The following RAB2A variants were observed in gnomAD, a reference collection of about 807,000 sequenced individuals.
The protein encoded by RAB2A is RAB2A, member RAS oncogene family.
Under a neutral mutation model 32.5 loss-of-function variants are expected in RAB2A, and 7 were observed. The ratio of observed to expected loss-of-function variants is 0.22; its 90% CI spans 0.12 to 0.40. The LOEUF is 0.40. Among genes scored for constraint, RAB2A ranks in the 10% least tolerant of loss-of-function variants. The pLI is 1.00. For synonymous variants in RAB2A, 79 were observed against 85.2 expected (o/e 0.93, Z 0.40); for missense variants, 108 against 260.7 (o/e 0.41, Z 4.03).
Position 60,622,177 on chromosome 8 carries a change from G to A in RAB2A, c.*1408G>A, listed in dbSNP as rs1265565226. On this transcript the variant is annotated 3_prime_UTR_variant, in exon 8 of 8. Transcript: ENST00000262646. ...CCATACTGAAATTATTTTTGTTGATGGTGTAAGCAGTGTAAGCAAGTGTTT... is the reference window on the plus strand; with the variant it reads ...CCATACTGAAATTATTTTTGTTGATAGTGTAAGCAGTGTAAGCAAGTGTTT... 1 of 152,126 alleles carries A rather than the reference G, an allele frequency of 6.6e-6. No individual in the cohort carries two copies. The highest frequency in any genetic ancestry group is 1.5e-5 in the Non-Finnish European group (1 of 68,024). The allele number at this position is 152,126 out of a possible 1,614,324, so 9.4% of individuals were successfully genotyped here.
intron 2 of RAB2A, among the ~76,000 whole-genome samples, chr8:60,566,364 G>T (rs563656029): frequency 6.6e-6 from 1 of 151,960 alleles, no homozygotes; most frequent in African/African-American, 2.4e-5. Context: ...AGCATTTTTC[G>T]TATGTTTAAG....
chr8:60,536,632 C>T (rs1269039638), intron 1 of RAB2A, among the ~76,000 whole-genome samples: 1 of 152,188 alleles, frequency 6.6e-6, no homozygotes, highest in Non-Finnish European at 1.5e-5. Context: ...ATAAACTCAG[C>T]ATAGTGCAAA....
At chr8:60,598,956 A>G (rs1038065195) in intron 6 of RAB2A, among the ~76,000 whole-genome samples, 1 of 148,854 alleles carries the variant, frequency 6.7e-6, no homozygotes, top group East Asian at 1.9e-4. Flanking sequence ...AAAAAAAAAA[A>G]AAAAAAAAAA....
rs1432350887 is a variant in RAB2A, at chr8:60,604,335, A to G, written c.474+12366A>G. Among the ~76,000 whole-genome samples, 4 of 152,210 alleles carry G rather than the reference A, an allele frequency of 2.6e-5. No individual in the cohort carries two copies. The South Asian group carries it at 6.2e-4, about 24-fold the overall frequency. On this transcript the variant is annotated intron_variant, in intron 6 of 7. Transcript: ENST00000262646. Reference sequence around the variant, plus strand: ...ATTACCCAGTCTCAGGTATTTCTTTATAACAGCGGGAGAAAGGACTGATAC... The same window carrying G: ...ATTACCCAGTCTCAGGTATTTCTTTGTAACAGCGGGAGAAAGGACTGATAC...
chr8:60,518,057 A>C (rs549301326), intron 1 of RAB2A, among the ~76,000 whole-genome samples: 10 of 152,264 alleles, frequency 6.6e-5, no homozygotes, highest in African/African-American at 2.4e-4. Flanking sequence ...CACAACTGCT[A>C]ATTTTCAGGT....
chr8:60,584,361 T>A (rs2130849011), intron 4 of RAB2A, 71 bp downstream of exon 4: 1 of 1,298,372 alleles, frequency 7.7e-7, no homozygotes, highest in Non-Finnish European at 1.1e-6. Flanking sequence ...TGGTTAACAG[T>A]AATGAAAGAA....
intron 3 of RAB2A, among the ~76,000 whole-genome samples, chr8:60,572,419 A>T (rs1032522126): frequency 2.0e-5 from 3 of 152,238 alleles, no homozygotes; most frequent in Non-Finnish European, 4.4e-5. Flanking sequence ...AAGTACACAT[A>T]GGAAGTAAAA....
At chr8:60,605,636 A>G (rs1481908596) in intron 6 of RAB2A, among the ~76,000 whole-genome samples, 1 of 152,068 alleles carries the variant, frequency 6.6e-6, no homozygotes, top group East Asian at 1.9e-4. Context: ...ACATGGAGTC[A>G]AAAGATTATT....
intron 5 of RAB2A, among the ~76,000 whole-genome samples, chr8:60,586,100 G>A (rs934580953): frequency 1.3e-5 from 2 of 152,004 alleles, no homozygotes; most frequent in South Asian, 2.1e-4. Context: ...AGGAGTTCAA[G>A]ATCAGCCCGG....
At chr8:60,589,873 G>A (rs559089268) in intron 5 of RAB2A, among the ~76,000 whole-genome samples, 10 of 152,066 alleles carry the variant, frequency 6.6e-5, no homozygotes, top group African/African-American at 1.9e-4. Flanking sequence ...CAAAATATTC[G>A]TAAATTATAC....
chr8:60,516,917 C>T (rs13248794), upstream of RAB2A: 7 of 279,640 alleles, frequency 2.5e-5, no homozygotes, highest in South Asian at 3.8e-4. Flanking sequence ...CCCTTTCCTC[C>T]GGCGGCGCCG....
At chr8:60,591,390 T>A (rs1363864319) in intron 5 of RAB2A, among the ~76,000 whole-genome samples, 1 of 145,654 alleles carries the variant, frequency 6.9e-6, no homozygotes, top group East Asian at 2.3e-4. Flanking sequence ...CTGGGATCAA[T>A]GATGTAATGT....
At chr8:60,585,079 G>A (rs577251894) in intron 5 of RAB2A, among the ~76,000 whole-genome samples, 19 of 152,276 alleles carry the variant, frequency 1.2e-4, no homozygotes, top group Admixed American at 7.2e-4. Flanking sequence ...GATTACTGAT[G>A]TAAAGTAAAG....
intron 1 of RAB2A, among the ~76,000 whole-genome samples, chr8:60,556,820 C>G (rs181359454): frequency 2.6e-4 from 39 of 152,166 alleles, no homozygotes; most frequent in African/African-American, 9.1e-4. Context: ...TCTTCTATCA[C>G]TTAAATGATT....
intron 1 of RAB2A, among the ~76,000 whole-genome samples, chr8:60,525,997 A>G (rs926600491): frequency 3.6e-5 from 5 of 138,588 alleles, no homozygotes; most frequent in Non-Finnish European, 7.7e-5. Flanking sequence ...ATATATGTCT[A>G]TATGTATATA....
At chr8:60,605,840 C>T (rs12114596) in intron 6 of RAB2A, among the ~76,000 whole-genome samples, 65,441 of 133,894 alleles carry the variant, frequency 0.49, 18,405 homozygotes, top group African/African-American at 0.78. Flanking sequence ...TACATATATA[C>T]ATATATATAT....
At chr8:60,580,620 GTT>G (rs1444539894) in intron 3 of RAB2A, among the ~76,000 whole-genome samples, 1 of 152,136 alleles carries the variant, frequency 6.6e-6, no homozygotes, top group African/African-American at 2.4e-5. Context: ...TGGGAATTGT[GTT>G]TTTTTATTTG....
At chr8:60,591,024 A>G (rs1176779116) in intron 5 of RAB2A, among the ~76,000 whole-genome samples, 1 of 152,086 alleles carries the variant, frequency 6.6e-6, no homozygotes, top group Non-Finnish European at 1.5e-5. Flanking sequence ...AATCTGGCAA[A>G]TAATATGTCA....
intron 2 of RAB2A, chr8:60,570,160 G>T: frequency 2.5e-6 from 1 of 395,942 alleles, no homozygotes; most frequent in Non-Finnish European, 5.1e-6. Context: ...CTCACCCTTG[G>T]TATCAGCAGC....
Sources: allele counts gnomAD v4.1 joint callset (sites outside exome capture counted in the v4.1 genomes callset), GRCh38; gene constraint gnomAD v4.1.1; transcripts MANE v1.5; gene names NCBI Gene and HGNC (gene_info 2026-07-23, HGNC 2026-07-21).